The following MAPK8 variants were observed in gnomAD, a reference collection of about 807,000 sequenced individuals.
MAPK8 encodes the protein JUN N-terminal kinase.
In MAPK8, 13 loss-of-function variants were observed where a neutral mutation model predicts 52.9. The ratio of observed to expected loss-of-function variants is 0.25; its 90% CI spans 0.16 to 0.39. MAPK8 has a LOEUF of 0.39. Ranked by LOEUF, MAPK8 falls within the 10% of genes least tolerant of loss-of-function variation. The pLI is 1.00. For missense variants in MAPK8, 300 were observed against 519.2 expected, an observed-to-expected ratio of 0.58 and a Z score of 4.10; for synonymous variants, 191 against 169.8, an observed-to-expected ratio of 1.12 and a Z score of -0.97.
chr10:48,394,331 G>T (rs554983015), intron 1 of MAPK8, among the ~76,000 whole-genome samples: 2 of 151,818 alleles, frequency 1.3e-5, no homozygotes, highest in Admixed American at 1.3e-4. Context: ...TTATAAAATA[G>T]ATGGAAAAAT....
chr10:48,317,366 T>C (rs755084040), intron 1 of MAPK8, among the ~76,000 whole-genome samples: 5 of 146,948 alleles, frequency 3.4e-5, no homozygotes, highest in Non-Finnish European at 6.0e-5. Context: ...GGTCTCACTG[T>C]GTTGCCTAGG....
chr10:48,391,869 A>C (rs1279137891), intron 1 of MAPK8, among the ~76,000 whole-genome samples: 1 of 152,190 alleles, frequency 6.6e-6, no homozygotes, highest in Admixed American at 6.6e-5. Context: ...CACCTTTACC[A>C]GTTTATTATA....
intron 1 of MAPK8, among the ~76,000 whole-genome samples, chr10:48,351,955 T>G (rs2132443293): frequency 6.6e-6 from 1 of 152,280 alleles, no homozygotes; most frequent in Middle Eastern, 3.4e-3. Context: ...GATTTCAGAT[T>G]ATCAGATTTG....
chr10:48,425,660 A>C (rs1053537835), intron 7 of MAPK8: 1 of 382,052 alleles, frequency 2.6e-6, no homozygotes, highest in African/African-American at 2.1e-5. Context: ...TTTTAAGGTA[A>C]AATCAGTTAG....
rs2044865244 is a variant in MAPK8 at position 48,436,537 on chromosome 10, A to G, written c.*1508A>G. 6.6e-6 allele frequency: 1 copy of G among 152,230 alleles called. No individual in the cohort carries two copies. The highest frequency in any genetic ancestry group is 2.4e-5 in the African/African-American group (1 of 41,462). 9.4% of individuals were successfully genotyped at this position (152,230 alleles called of 1,614,324 possible). On this transcript the variant is annotated 3_prime_UTR_variant, in exon 12 of 12. Transcript: ENST00000374189. ...TAGGAAATGCATACTCACATAAGCA[A>G]CAAGGTTCTAGGCAGAAAGCCCCTT... is the stretch of plus-strand genomic sequence containing the variant.
At chr10:48,392,229 T>C (rs1451382110) in intron 1 of MAPK8, among the ~76,000 whole-genome samples, 1 of 152,132 alleles carries the variant, frequency 6.6e-6, no homozygotes, top group Non-Finnish European at 1.5e-5. Context: ...ATGAGAGTCT[T>C]ATGACCTGCA....
intron 3 of MAPK8, among the ~76,000 whole-genome samples, chr10:48,406,676 T>C (rs561917383): frequency 1.3e-4 from 20 of 152,344 alleles, no homozygotes; most frequent in Non-Finnish European, 2.9e-4. Context: ...TGTAGTGTTT[T>C]GCCTTTTAAA....
At chr10:48,412,779 C>T (rs961240571) in intron 5 of MAPK8, among the ~76,000 whole-genome samples, 5 of 152,104 alleles carry the variant, frequency 3.3e-5, no homozygotes, top group Admixed American at 2.6e-4. Flanking sequence ...TTTTCCCCAC[C>T]TTTTTATTGT....
At chr10:48,407,435 A>G (rs1371143130) in intron 3 of MAPK8, among the ~76,000 whole-genome samples, 2 of 152,188 alleles carry the variant, frequency 1.3e-5, no homozygotes, top group Non-Finnish European at 2.9e-5. Flanking sequence ...GTATTTCTCA[A>G]TGAACTTTTA....
chr10:48,331,816 A>C (rs1301105177), intron 1 of MAPK8, among the ~76,000 whole-genome samples: 3 of 152,166 alleles, frequency 2.0e-5, no homozygotes, highest in Non-Finnish European at 4.4e-5. Flanking sequence ...GTGCCCCTAT[A>C]ATAACTCATA....
intron 1 of MAPK8, among the ~76,000 whole-genome samples, chr10:48,400,665 A>G (rs2042113728): frequency 6.6e-6 from 1 of 152,176 alleles, no homozygotes; most frequent in Admixed American, 6.5e-5. Flanking sequence ...TCATATCAGG[A>G]TTTCTTGGGG....
At chr10:48,373,126 CA>C (rs1359770529) in intron 1 of MAPK8, among the ~76,000 whole-genome samples, 1 of 152,090 alleles carries the variant, frequency 6.6e-6, no homozygotes, top group African/African-American at 2.4e-5. Flanking sequence ...ATTTCATATC[CA>C]GCCAAACTAA....
At chr10:48,406,969 CTTTGT>C (rs1325117427) in intron 3 of MAPK8, among the ~76,000 whole-genome samples, 2 of 152,172 alleles carry the variant, frequency 1.3e-5, no homozygotes, top group Non-Finnish European at 2.9e-5. Context: ...CGTTGTCTTT[CTTTGT>C]TACAGGCCTG....
chr10:48,399,792 C>G (rs2042067492), intron 1 of MAPK8, among the ~76,000 whole-genome samples: 1 of 152,140 alleles, frequency 6.6e-6, no homozygotes, highest in East Asian at 1.9e-4. Flanking sequence ...ACATATGACT[C>G]CTCCAAGTAA....
At chr10:48,426,902 C>A in intron 9 of MAPK8, 178 bp from the exon 10 acceptor site, 1 of 530,554 alleles carries the variant, frequency 1.9e-6, no homozygotes, top group Non-Finnish European at 3.3e-6. Context: ...CATTTTATTT[C>A]CTGCAATGAA....
chr10:48,307,303 T>C (rs1841471380), intron 1 of MAPK8, among the ~76,000 whole-genome samples: 1 of 152,172 alleles, frequency 6.6e-6, no homozygotes, highest in African/African-American at 2.4e-5. Flanking sequence ...GGACCGTATT[T>C]TGCTTCTCGA....
intron 1 of MAPK8, among the ~76,000 whole-genome samples, chr10:48,386,013 A>G (rs1048867541): frequency 6.6e-6 from 1 of 152,214 alleles, no homozygotes; most frequent in African/African-American, 2.4e-5. Flanking sequence ...TAAACTAGCA[A>G]TAAGTATATG....
chr10:48,424,174 C>T lies in MAPK8; in HGVS notation c.688+15C>T. The T allele has an allele frequency of 6.2e-7, 1 of 1,607,184 alleles. No individual in the cohort carries two copies. The highest frequency in any genetic ancestry group is 8.5e-7 in the Non-Finnish European group (1 of 1,175,114). On this transcript the variant is annotated intron_variant, in intron 7 of 11. Coordinates refer to ENST00000374189, the MANE Select transcript of MAPK8 (RefSeq NM_001323329.2). ...AGGAAGGGACTGTATCCTTGTGCTG[C>T]TGCAGCAGTTAATTAGTTAGGCGAT...
chr10:48,370,436 G>A (rs971527808), intron 1 of MAPK8, among the ~76,000 whole-genome samples: 1 of 152,064 alleles, frequency 6.6e-6, no homozygotes, highest in African/African-American at 2.4e-5. Context: ...GCTACTTCAG[G>A]TTGGTACATT....
Sources: allele counts gnomAD v4.1 joint callset (sites outside exome capture counted in the v4.1 genomes callset), GRCh38; gene constraint gnomAD v4.1.1; transcripts MANE v1.5; gene names NCBI Gene and HGNC (gene_info 2026-07-23, HGNC 2026-07-21).